Variants in L3MBTL4 observed in about 807,000 individuals in gnomAD.
L3MBTL4 encodes lethal(3)malignant brain tumor-like protein 4.
L3MBTL4 carries 70 observed loss-of-function variants against 84.5 expected under a neutral mutation model. The observed-to-expected ratio is 0.83, with a 90% CI of 0.68 to 1.01. The LOEUF is 1.01. Among genes scored for constraint, L3MBTL4 ranks in the 50% least tolerant of loss-of-function variants. L3MBTL4 has a pLI of 0.00. For missense variants in L3MBTL4, 715 were observed against 754.8 expected (o/e 0.95, Z 0.62); for synonymous variants, 274 against 259.8 (o/e 1.05, Z -0.52).
chr18:5,987,642 T>C (rs545800184), intron 16 of L3MBTL4, among the ~76,000 whole-genome samples: 125 of 152,336 alleles, frequency 8.2e-4, no homozygotes, highest in African/African-American at 3.0e-3. Context: ...TCTTTCTCAA[T>C]GTCTCCCTCG....
At chr18:6,041,826 G>C (rs1308924207) in intron 16 of L3MBTL4, among the ~76,000 whole-genome samples, 1 of 152,006 alleles carries the variant, frequency 6.6e-6, no homozygotes, top group African/African-American at 2.4e-5. Flanking sequence ...CCAGGCTCAA[G>C]TGATCTTCCC....
chr18:6,000,332 C>A (rs868810425), intron 16 of L3MBTL4, among the ~76,000 whole-genome samples: 1 of 151,858 alleles, frequency 6.6e-6, no homozygotes, highest in Admixed American at 6.6e-5. Context: ...TGTGACAATT[C>A]GAGGAAGAGA....
chr18:6,282,594 A>C (rs403814), intron 4 of L3MBTL4, among the ~76,000 whole-genome samples: 40,905 of 152,036 alleles, frequency 0.27, 7,242 homozygotes, highest in African/African-American at 0.5. Context: ...CGGAAAGGGC[A>C]AGATGCTTCA....
chr18:6,136,883 A>G (rs1446297313), intron 14 of L3MBTL4, among the ~76,000 whole-genome samples: 1 of 152,220 alleles, frequency 6.6e-6, no homozygotes, highest in African/African-American at 2.4e-5. Flanking sequence ...TAACGAGGAC[A>G]GAAGAAATGC....
intron 12 of L3MBTL4, among the ~76,000 whole-genome samples, chr18:6,173,116 C>A (rs930384839): frequency 6.6e-6 from 1 of 152,202 alleles, no homozygotes; most frequent in Non-Finnish European, 1.5e-5. Flanking sequence ...CTACATGAAT[C>A]TGTTATATGC....
At chr18:6,042,322 C>G (rs1310326775) in intron 16 of L3MBTL4, among the ~76,000 whole-genome samples, 1 of 152,072 alleles carries the variant, frequency 6.6e-6, no homozygotes. Context: ...CACTGGAACA[C>G]TAAGTGCCCT....
At chr18:6,134,898 T>G (rs1441855179) in intron 14 of L3MBTL4, among the ~76,000 whole-genome samples, 1 of 152,184 alleles carries the variant, frequency 6.6e-6, no homozygotes. Flanking sequence ...AGTGCCCCAG[T>G]AGGGACTCGG....
chr18:6,193,115 T>C (rs1234725751), intron 12 of L3MBTL4, among the ~76,000 whole-genome samples: 2 of 151,972 alleles, frequency 1.3e-5, no homozygotes, highest in African/African-American at 2.4e-5. Flanking sequence ...TTATTGTTAA[T>C]GGCCCACAAC....
At chr18:6,247,463 C>T (rs1599326303) in intron 5 of L3MBTL4, among the ~76,000 whole-genome samples, 1 of 119,226 alleles carries the variant, frequency 8.4e-6, no homozygotes, top group African/African-American at 4.1e-5. Flanking sequence ...TCCCCCTCCT[C>T]TGATTTTTTT....
intron 5 of L3MBTL4, among the ~76,000 whole-genome samples, chr18:6,249,099 A>G (rs946610463): frequency 3.3e-5 from 5 of 152,212 alleles, no homozygotes; most frequent in African/African-American, 1.2e-4. Context: ...TATGTTTTCC[A>G]GCAGATTGTA....
At chr18:6,039,646 C>T (rs1242502560) in intron 16 of L3MBTL4, among the ~76,000 whole-genome samples, 1 of 152,198 alleles carries the variant, frequency 6.6e-6, no homozygotes, top group African/African-American at 2.4e-5. Flanking sequence ...TACCCTCTTC[C>T]ATCCTGTTTC....
chr18:6,151,356 C>A (rs1396310595), intron 13 of L3MBTL4, among the ~76,000 whole-genome samples: 1 of 152,074 alleles, frequency 6.6e-6, no homozygotes, highest in Admixed American at 6.6e-5. Flanking sequence ...TGCTATGATA[C>A]ACAATAAGCA....
chr18:6,103,607 T>C (rs1369650995), intron 14 of L3MBTL4, among the ~76,000 whole-genome samples: 1 of 152,228 alleles, frequency 6.6e-6, no homozygotes, highest in Non-Finnish European at 1.5e-5. Context: ...CAATGAATCA[T>C]AATTCCATCT....
Position 6,265,726 on chromosome 18 carries a change from A to C in L3MBTL4, c.128-1688T>G, listed in dbSNP as rs547897437. Among the ~76,000 whole-genome samples, 4 of 152,314 alleles carry C rather than the reference A, an allele frequency of 2.6e-5. No individual in the cohort carries two copies. The East Asian group carries it at 7.7e-4, about 29-fold the overall frequency. On this transcript the variant is annotated intron_variant, in intron 4 of 18. Coordinates refer to ENST00000317931, the MANE Select transcript of L3MBTL4 (RefSeq NM_001330559.2). ...GAAATAAGTTAGGCACAGAAAAATAAATACTGCATGATCTTATAGACATGC... is the reference window on the plus strand; with the variant it reads ...GAAATAAGTTAGGCACAGAAAAATACATACTGCATGATCTTATAGACATGC...
At position 6,180,387 on chromosome 18, in the gene L3MBTL4, G is replaced by A. The variant is rs147654328; in HGVS notation, c.982-8445C>T. Among the ~76,000 whole-genome samples, 50 of 152,182 alleles carry A rather than the reference G, an allele frequency of 3.3e-4. No homozygotes were observed. The East Asian group carries it at 8.9e-3, about 27-fold the overall frequency. ...TCCCTCTCCCCCAGGCCACATGCCT[G>A]AAGTGCTGTTCTGTGGTTTTGGAAC... On this transcript the variant is annotated intron_variant, in intron 12 of 18. Transcript: ENST00000317931.
intron 4 of L3MBTL4, among the ~76,000 whole-genome samples, chr18:6,295,346 C>CTCTCTCTCTCTCTATATA (rs1261475809): frequency 2.5e-5 from 2 of 81,382 alleles, no homozygotes; most frequent in African/African-American, 1.3e-4. Flanking sequence ...CTCTCTCTCT[C>CTCTCTCTCTCTCTATATA]TATATATATA....
rs970089033 is a variant in L3MBTL4 at position 6,188,493 on chromosome 18, G to A, written c.982-16551C>T. On this transcript the variant is annotated intron_variant, in intron 12 of 18. Transcript: ENST00000317931. The stretch of plus-strand genomic sequence containing the variant: ...AACCATAATTTCTGAACTCACTGTG[G>A]ATACTAAGAAGTCTAAATGAAGTCT... Among the ~76,000 whole-genome samples, 5 of 152,098 alleles carry A rather than the reference G, an allele frequency of 3.3e-5. No individual in the cohort carries two copies. The South Asian group carries it at 1.0e-3, about 31-fold the overall frequency.
intron 14 of L3MBTL4, among the ~76,000 whole-genome samples, chr18:6,121,685 C>CGTGTGTGTGTGTGTGT (rs762077935): frequency 5.0e-4 from 72 of 142,916 alleles, no homozygotes; most frequent in Middle Eastern, 7.3e-3. Flanking sequence ...ATTGTTTCCC[C>CGTGTGTGTGTGTGTGT]GTGTGTGTGT....
intron 12 of L3MBTL4, among the ~76,000 whole-genome samples, chr18:6,199,342 T>C (rs920658854): frequency 6.6e-6 from 1 of 152,206 alleles, no homozygotes; most frequent in African/African-American, 2.4e-5. Context: ...CTTAAATTCA[T>C]TAAACTCAAC....
Sources: allele counts gnomAD v4.1 joint callset (sites outside exome capture counted in the v4.1 genomes callset), GRCh38; gene constraint gnomAD v4.1.1; transcripts MANE v1.5; gene names NCBI Gene and HGNC (gene_info 2026-07-23, HGNC 2026-07-21).